Variants in CTNNA3 observed in about 807,000 individuals in gnomAD.
The protein encoded by CTNNA3 is catenin alpha 3, also known as catenin alpha-3.
A neutral mutation model predicts 95.7 loss-of-function variants in CTNNA3; 76 were observed. The ratio of observed to expected loss-of-function variants is 0.79; its 90% CI spans 0.66 to 0.96. The LOEUF is 0.96. Among genes scored for constraint, CTNNA3 ranks in the 40% least tolerant of loss-of-function variants. The pLI is 0.00. For missense variants in CTNNA3, 1,191 were observed against 1,089.8 expected, an observed-to-expected ratio of 1.09 and a Z score of -1.31; for synonymous variants, 431 against 374.4, an observed-to-expected ratio of 1.15 and a Z score of -1.74.
At chr10:66,817,751 A>T (rs1412287293) in intron 7 of CTNNA3, among the ~76,000 whole-genome samples, 1 of 152,044 alleles carries the variant, frequency 6.6e-6, no homozygotes, top group Non-Finnish European at 1.5e-5. Flanking sequence ...TTCACAAAAG[A>T]ATTCCAAAAA....
intron 2 of CTNNA3, among the ~76,000 whole-genome samples, chr10:67,640,906 A>G (rs1839507673): frequency 6.6e-6 from 1 of 152,216 alleles, no homozygotes; most frequent in African/African-American, 2.4e-5. Context: ...AAAACCCTAG[A>G]AGAAAACCTA....
chr10:66,810,393 G>A (rs1428119568), intron 7 of CTNNA3, among the ~76,000 whole-genome samples: 3 of 152,118 alleles, frequency 2.0e-5, no homozygotes, highest in South Asian at 2.1e-4. Flanking sequence ...CAGCCAGCTG[G>A]AACACTGAAG....
At chr10:67,084,428 C>A (rs1165248196) in intron 7 of CTNNA3, among the ~76,000 whole-genome samples, 1 of 151,802 alleles carries the variant, frequency 6.6e-6, no homozygotes, top group Non-Finnish European at 1.5e-5. Context: ...AAAGCTAAAT[C>A]TGAAGTGGAG....
chr10:67,600,808 T>A (rs545342464), intron 3 of CTNNA3, among the ~76,000 whole-genome samples: 21 of 152,316 alleles, frequency 1.4e-4, no homozygotes, highest in African/African-American at 4.8e-4. Context: ...ATAATTCAAA[T>A]GTTCATCAGC....
intron 5 of CTNNA3, among the ~76,000 whole-genome samples, chr10:67,356,881 T>C (rs962052019): frequency 5.9e-5 from 9 of 152,076 alleles, no homozygotes; most frequent in African/African-American, 1.9e-4. Flanking sequence ...TATCTAAACA[T>C]GGGCTGAGAG....
chr10:66,621,863 T>C lies in CTNNA3; in HGVS notation c.1282-79A>G, dbSNP rs75142881. 4.6e-3 allele frequency: 3,083 copies of C among 675,690 alleles called. 75 individuals carry two copies. In the African/African-American group the frequency reaches 0.052, roughly 11 times the overall value. 41.9% of individuals were successfully genotyped at this position (675,690 alleles called of 1,614,324 possible). A position where few individuals can be genotyped will look rare whatever the true frequency, so the allele number is the denominator to read the frequency against. On this transcript the variant is annotated intron_variant, in intron 9 of 17. Coordinates refer to ENST00000433211, the MANE Select transcript of CTNNA3 (RefSeq NM_013266.4). ...GCAACACTTATACTGAACAAGAACA[T>C]GTACACATTCATCAAGAATCTCAAT...
At chr10:67,729,778 G>A (rs1237850388) in intron 1 of CTNNA3, among the ~76,000 whole-genome samples, 5 of 152,016 alleles carry the variant, frequency 3.3e-5, no homozygotes, top group Non-Finnish European at 7.4e-5. Context: ...AGATAGAGGA[G>A]GTAGTTGTAC....
chr10:67,266,144 T>C (rs1322187978), intron 5 of CTNNA3, among the ~76,000 whole-genome samples: 1 of 152,122 alleles, frequency 6.6e-6, no homozygotes, highest in Non-Finnish European at 1.5e-5. Context: ...ATTTTATCAG[T>C]ATCCTCAGAA....
intron 9 of CTNNA3, among the ~76,000 whole-genome samples, chr10:66,690,740 G>A (rs1330581486): frequency 6.6e-6 from 1 of 151,884 alleles, no homozygotes; most frequent in Middle Eastern, 3.4e-3. Context: ...CATTTGGGTT[G>A]GTTCCAAGTC....
chr10:66,485,161 T>C lies in CTNNA3; in HGVS notation c.1531+35456A>G, dbSNP rs75724322. Among the ~76,000 whole-genome samples, 351 of 152,244 alleles carry C rather than the reference T, an allele frequency of 2.3e-3. 3 individuals carry two copies. The highest frequency in any genetic ancestry group is 8.1e-3 in the African/African-American group (335 of 41,564). On this transcript the variant is annotated intron_variant, in intron 11 of 17. Transcript: ENST00000433211. ...GGACAAGCTGAAAGCTTCTCTTCTA[T>C]GATCAGGAATAAGAAAAGTGTGCAT...
At chr10:67,097,840 C>T (rs767880583) in intron 7 of CTNNA3, 1 of 1,561,326 alleles carries the variant, frequency 6.4e-7, no homozygotes, top group African/African-American at 1.4e-5. Flanking sequence ...ACTTTGTAAC[C>T]TCAAGGACAA....
intron 1 of CTNNA3, among the ~76,000 whole-genome samples, chr10:67,718,608 T>C: frequency 6.6e-6 from 1 of 152,204 alleles, no homozygotes; most frequent in Non-Finnish European, 1.5e-5. Context: ...ATGGATTACA[T>C]TTATTGATTT....
chr10:66,480,208 A>C (rs1839471888), intron 11 of CTNNA3, among the ~76,000 whole-genome samples: 1 of 152,146 alleles, frequency 6.6e-6, no homozygotes, highest in Non-Finnish European at 1.5e-5. Flanking sequence ...TCTATAGCTC[A>C]TTTAGCTATA....
chr10:66,649,199 G>A (rs569005256), intron 9 of CTNNA3, among the ~76,000 whole-genome samples: 2 of 152,196 alleles, frequency 1.3e-5, no homozygotes, highest in South Asian at 2.1e-4. Context: ...TGATTAGAGT[G>A]AATTAAGGAG....
rs115131188 is a variant in CTNNA3 at position 65,982,905 on chromosome 10, C to A, written c.2265+5787G>T. Among the ~76,000 whole-genome samples the A allele has an allele frequency of 6.3e-3, 951 of 151,494 alleles. 18 individuals carry two copies. Among genetic ancestry groups the A allele is most frequent in the African/African-American group, 0.022 (913 of 41,462 alleles). Reference sequence around the variant, plus strand: ...CATGATATAATGAAGGCTCCAGAAGCTTCTCAGTAGTATAGTTTCATTGAA... The same window carrying A: ...CATGATATAATGAAGGCTCCAGAAGATTCTCAGTAGTATAGTTTCATTGAA... On this transcript the variant is annotated intron_variant, in intron 16 of 17. Coordinates refer to ENST00000433211, the MANE Select transcript of CTNNA3 (RefSeq NM_013266.4).
At chr10:67,677,119 A>T (rs991101819) in intron 1 of CTNNA3, among the ~76,000 whole-genome samples, 35 of 152,166 alleles carry the variant, frequency 2.3e-4, no homozygotes, top group African/African-American at 8.2e-4. Context: ...CCAGCCCTGC[A>T]GCTGAAACAA....
rs1554886319 is a variant in CTNNA3 at position 66,957,403 on chromosome 10, T to TATATGC, written c.1048-181880_1048-181879insGCATAT. Among the ~76,000 whole-genome samples the TATATGC allele has an allele frequency of 4.1e-3, 140 of 33,820 alleles. 7 individuals are homozygous for TATATGC. The highest frequency in any genetic ancestry group is 0.014 in the Middle Eastern group (1 of 70). The allele number at this position is 33,820 out of a possible 152,430, so 22.2% of individuals were successfully genotyped here. A position where few individuals can be genotyped will look rare whatever the true frequency, so the allele number is the denominator to read the frequency against. Reference sequence around the variant, plus strand: ...GTGTGTATATATATACATATATATATATATATATATGCATATATATATATG... The same window carrying TATATGC: ...GTGTGTATATATATACATATATATATATATGCATATATATATGCATATATATATATG... On this transcript the variant is annotated intron_variant, in intron 7 of 17. Coordinates refer to ENST00000433211, the MANE Select transcript of CTNNA3 (RefSeq NM_013266.4).
chr10:67,560,526 C>A (rs1489763164), intron 3 of CTNNA3, among the ~76,000 whole-genome samples: 1 of 152,158 alleles, frequency 6.6e-6, no homozygotes, highest in Non-Finnish European at 1.5e-5. Context: ...CCAGCTACTG[C>A]AAAAACATGC....
At chr10:66,534,762 G>T (rs1280517324) in intron 10 of CTNNA3, among the ~76,000 whole-genome samples, 2 of 150,762 alleles carry the variant, frequency 1.3e-5, no homozygotes, top group Non-Finnish European at 3.0e-5. Context: ...ATCATTGGGA[G>T]TGATTAGAAA....
Sources: allele counts gnomAD v4.1 joint callset (sites outside exome capture counted in the v4.1 genomes callset), GRCh38; gene constraint gnomAD v4.1.1; transcripts MANE v1.5; gene names NCBI Gene and HGNC (gene_info 2026-07-23, HGNC 2026-07-21).